RBM47: variants seen among roughly 807,000 people sequenced by gnomAD.
The protein encoded by RBM47 is RNA-binding protein 47.
In RBM47, 21 loss-of-function variants were observed where a neutral mutation model predicts 47.1. The observed-to-expected ratio is 0.45, with a 90% CI of 0.32 to 0.64. The LOEUF is 0.64. Among genes scored for constraint, RBM47 ranks in the 30% least tolerant of loss-of-function variants. RBM47 has a pLI of 0.05. For missense variants in RBM47, 708 were observed against 870.9 expected, an observed-to-expected ratio of 0.81 and a Z score of 2.35; for synonymous variants, 375 against 361.7, an observed-to-expected ratio of 1.04 and a Z score of -0.42.
intron 6 of RBM47, 36 bp from the exon 7 acceptor site, chr4:40,426,179 AC>A (rs1285467941): frequency 5.6e-5 from 89 of 1,594,664 alleles, no homozygotes; most frequent in Non-Finnish European, 7.4e-5. Context: ...CTTCCTGAAC[AC>A]GTGTATGTAC....
intron 1 of RBM47, among the ~76,000 whole-genome samples, chr4:40,545,169 A>G (rs1728903843): frequency 6.7e-6 from 1 of 148,532 alleles, no homozygotes; most frequent in Admixed American, 6.9e-5. Flanking sequence ...CTCCTGCCTC[A>G]GCCTCCCAAG....
chr4:40,510,235 G>A (rs1404418459), intron 2 of RBM47, among the ~76,000 whole-genome samples: 2 of 149,484 alleles, frequency 1.3e-5, no homozygotes, highest in African/African-American at 4.9e-5. Flanking sequence ...GTAGAGCTCA[G>A]CTGAGATGGG....
intron 2 of RBM47, chr4:40,491,754 C>A: frequency 5.5e-6 from 1 of 181,304 alleles, no homozygotes. Flanking sequence ...AGAACGTCAT[C>A]GTCTGGAAAG....
intron 1 of RBM47, among the ~76,000 whole-genome samples, chr4:40,604,257 G>T (rs970935727): frequency 6.6e-6 from 1 of 152,200 alleles, no homozygotes; most frequent in Non-Finnish European, 1.5e-5. Flanking sequence ...TGCTTTAAGA[G>T]AAGTTATTTG....
chr4:40,479,985 T>TTC (rs1026030139), intron 2 of RBM47, among the ~76,000 whole-genome samples: 11 of 150,584 alleles, frequency 7.3e-5, no homozygotes, highest in African/African-American at 2.4e-4. Flanking sequence ...ATTTTTTTTT[T>TTC]TTTTTTTTTG....
intron 2 of RBM47, among the ~76,000 whole-genome samples, chr4:40,517,855 T>C (rs1198360785): frequency 6.6e-6 from 1 of 152,192 alleles, no homozygotes; most frequent in Non-Finnish European, 1.5e-5. Flanking sequence ...TTCTAAGTCA[T>C]CTAGAGATGA....
chr4:40,450,949 A>G (rs1715329519), intron 3 of RBM47, among the ~76,000 whole-genome samples: 1 of 152,152 alleles, frequency 6.6e-6, no homozygotes, highest in African/African-American at 2.4e-5. Flanking sequence ...TAATATGATT[A>G]TATACTGGCA....
At chr4:40,579,708 T>C (rs1010959878) in intron 1 of RBM47, among the ~76,000 whole-genome samples, 1 of 151,472 alleles carries the variant, frequency 6.6e-6, no homozygotes, top group African/African-American at 2.4e-5. Context: ...TCTGTGGGTC[T>C]TTGCTGGAGT....
intron 1 of RBM47, among the ~76,000 whole-genome samples, chr4:40,575,533 C>T (rs1011087287): frequency 8.0e-6 from 1 of 125,328 alleles, no homozygotes; most frequent in African/African-American, 3.2e-5. Context: ...GCCTGGGCAA[C>T]AAGAGCGAAA....
At chr4:40,487,329 T>G (rs970791850) in intron 2 of RBM47, among the ~76,000 whole-genome samples, 1 of 152,168 alleles carries the variant, frequency 6.6e-6, no homozygotes, top group Admixed American at 6.5e-5. Context: ...GGAGTCTCAC[T>G]CGGTCGCCCA....
intron 2 of RBM47, among the ~76,000 whole-genome samples, chr4:40,468,354 A>C (rs1424685855): frequency 6.6e-6 from 1 of 152,198 alleles, no homozygotes; most frequent in Non-Finnish European, 1.5e-5. Context: ...ATTAAAAAAA[A>C]ATTGTGTTTG....
intron 1 of RBM47, among the ~76,000 whole-genome samples, chr4:40,573,724 G>T (rs779079716): frequency 4.8e-5 from 7 of 145,732 alleles, no homozygotes; most frequent in Non-Finnish European, 4.5e-5. Context: ...ACAGAGCAAG[G>T]CTCTGTCTAA....
chr4:40,530,335 G>A (rs1468940776), intron 2 of RBM47, among the ~76,000 whole-genome samples: 6 of 151,758 alleles, frequency 4.0e-5, no homozygotes, highest in South Asian at 2.1e-4. Flanking sequence ...ATGGAGTCTC[G>A]TTCTGTTGCC....
chr4:40,552,370 C>A (rs1434026446), intron 1 of RBM47, among the ~76,000 whole-genome samples: 1 of 151,606 alleles, frequency 6.6e-6, no homozygotes, highest in Non-Finnish European at 1.5e-5. Flanking sequence ...TGTACTCCAG[C>A]CTGGGCGACA....
At chr4:40,492,603 TCA>T (rs929062913) in intron 2 of RBM47, among the ~76,000 whole-genome samples, 5 of 152,210 alleles carry the variant, frequency 3.3e-5, no homozygotes, top group African/African-American at 1.2e-4. Flanking sequence ...TAGAACCTTA[TCA>T]CTAAAAACCT....
At chr4:40,471,780 C>T (rs1387522623) in intron 2 of RBM47, among the ~76,000 whole-genome samples, 1 of 152,054 alleles carries the variant, frequency 6.6e-6, no homozygotes, top group Non-Finnish European at 1.5e-5. Context: ...AAGTTTGTAT[C>T]CTTTGTAAGG....
At chr4:40,444,322 A>T (rs1335356641) in intron 3 of RBM47, among the ~76,000 whole-genome samples, 1 of 152,324 alleles carries the variant, frequency 6.6e-6, no homozygotes, top group Non-Finnish European at 1.5e-5. Flanking sequence ...TTGTAATTAT[A>T]TGTGCTTTAG....
At chr4:40,429,883 G>C (rs990924864) in intron 6 of RBM47, among the ~76,000 whole-genome samples, 12 of 151,848 alleles carry the variant, frequency 7.9e-5, no homozygotes, top group Admixed American at 6.6e-5. Context: ...GGGAGGATAA[G>C]CAAAGACTGC....
intron 3 of RBM47, among the ~76,000 whole-genome samples, chr4:40,457,841 C>CT (rs1716531018): frequency 6.6e-6 from 1 of 152,140 alleles, no homozygotes; most frequent in African/African-American, 2.4e-5. Context: ...AGAAAGTGAA[C>CT]TTTTTGCTGG....
Sources: gnomAD v4.1 joint callset for allele counts (sites outside exome capture counted in the v4.1 genomes callset) on GRCh38, gnomAD v4.1.1 for gene constraint, MANE v1.5 for transcripts, NCBI Gene and HGNC (gene_info 2026-07-23, HGNC 2026-07-21) for gene names.